SCRN3: variants seen among roughly 807,000 people sequenced by gnomAD.
The protein encoded by SCRN3 is secernin 3.
In SCRN3, 39 loss-of-function variants were observed where a neutral mutation model predicts 43.1. That is an observed-to-expected ratio of 0.91 (90% CI 0.70 to 1.18). The LOEUF is 1.18. Among genes scored for constraint, SCRN3 ranks in the 50% most tolerant of loss-of-function variants. SCRN3 has a pLI of 0.00. For synonymous variants in SCRN3, 147 were observed against 163.1 expected (o/e 0.90, Z 0.75); for missense variants, 484 against 498.0 (o/e 0.97, Z 0.27).
At chr2:174,401,257 T>A in intron 4 of SCRN3, 68 bp downstream of exon 4, 1 of 1,112,228 alleles carries the variant, frequency 9.0e-7, no homozygotes, top group Non-Finnish European at 1.3e-6. Flanking sequence ...CCTATAGATA[T>A]TGCATTTAAT....
At position 174,406,702 on chromosome 2, in the gene SCRN3, C is replaced by A. The variant is rs1462944083; in HGVS notation, c.754+2387C>A. ...GAATTTTGTCAAAGGCTTTTTCTGC[C>A]TCTATTGAGATAATCATGTGGTTTT... On this transcript the variant is annotated intron_variant, in intron 5 of 7. Coordinates refer to ENST00000272732, the MANE Select transcript of SCRN3 (RefSeq NM_024583.5). Among the ~76,000 whole-genome samples, 669 of 126,260 alleles carry A rather than the reference C, an allele frequency of 5.3e-3. 4 individuals carry two copies. The highest frequency in any genetic ancestry group is 0.014 in the African/African-American group (533 of 37,166). The allele number at this position is 126,260 out of a possible 152,430, so 82.8% of individuals were successfully genotyped here. A position where few individuals can be genotyped will look rare whatever the true frequency, so the allele number is the denominator to read the frequency against.
intron 5 of SCRN3, among the ~76,000 whole-genome samples, chr2:174,417,419 A>G (rs1053248226): frequency 2.6e-5 from 4 of 152,194 alleles, no homozygotes; most frequent in African/African-American, 9.6e-5. Flanking sequence ...TTTGAGGCAG[A>G]GTCTTACACT....
At chr2:174,399,209 C>CT (rs970520812) in intron 2 of SCRN3, among the ~76,000 whole-genome samples, 1 of 152,108 alleles carries the variant, frequency 6.6e-6, no homozygotes, top group Non-Finnish European at 1.5e-5. Context: ...AAATATTAGA[C>CT]TTTTTTCTGT....
At chr2:174,419,358 A>G (rs985573270) in intron 5 of SCRN3, among the ~76,000 whole-genome samples, 1 of 152,232 alleles carries the variant, frequency 6.6e-6, no homozygotes, top group African/African-American at 2.4e-5. Flanking sequence ...ATCTAAAAAT[A>G]TCTGTTGGCA....
At chr2:174,401,329 T>C (rs1685503049) in intron 4 of SCRN3, 140 bp downstream of exon 4, 1 of 664,784 alleles carries the variant, frequency 1.5e-6, no homozygotes. Flanking sequence ...ATTTAAAAAT[T>C]TGAAAGAACA....
At chr2:174,396,634 T>C (rs1685321686) in intron 1 of SCRN3, among the ~76,000 whole-genome samples, 1 of 152,026 alleles carries the variant, frequency 6.6e-6, no homozygotes, top group Admixed American at 6.6e-5. Context: ...CCGTCTCTAC[T>C]AAAAACACGA....
At chr2:174,417,100 A>C (rs1686138379) in intron 5 of SCRN3, among the ~76,000 whole-genome samples, 1 of 152,196 alleles carries the variant, frequency 6.6e-6, no homozygotes, top group Non-Finnish European at 1.5e-5. Flanking sequence ...AAAATGCTAA[A>C]GCATGTTATA....
In SCRN3 at chr2:174,404,155, G is replaced by A. The variant is rs1331631071; in HGVS notation, c.594G>A (p.Arg198=). ...TTTCCATAACAACCAAGATTGCCCGGGAACACCCAGACATGAGAAACTATG... is the reference window on the plus strand; with the variant it reads ...TTTCCATAACAACCAAGATTGCCCGAGAACACCCAGACATGAGAAACTATG... ...NQLSITTKIA[R]EHPDMRNYAK... is the part of the protein sequence containing the mutation. Residue 198 remains arginine (R), a synonymous_variant, in exon 5 of 8, where the codon CGG becomes CGA. Transcript: ENST00000272732. 1 of 1,613,628 alleles carries A rather than the reference G, an allele frequency of 6.2e-7. No homozygotes were observed. Among genetic ancestry groups the A allele is most frequent in the Non-Finnish European group, 8.5e-7 (1 of 1,179,832 alleles).
At chr2:174,418,666 A>C (rs1686195397) in intron 5 of SCRN3, among the ~76,000 whole-genome samples, 1 of 152,170 alleles carries the variant, frequency 6.6e-6, no homozygotes, top group African/African-American at 2.4e-5. Flanking sequence ...GTATTATCAC[A>C]GTATTATGGT....
intron 5 of SCRN3, among the ~76,000 whole-genome samples, chr2:174,418,985 A>G (rs944064900): frequency 6.6e-6 from 1 of 152,230 alleles, no homozygotes; most frequent in Non-Finnish European, 1.5e-5. Context: ...ACTTGTATAA[A>G]TCTGTTGTCA....
chr2:174,419,974 G>A (rs529356944), intron 5 of SCRN3, among the ~76,000 whole-genome samples: 45 of 152,186 alleles, frequency 3.0e-4, no homozygotes, highest in African/African-American at 1.1e-3. Context: ...ACCCAAAAGA[G>A]TACACAAAAG....
intron 5 of SCRN3, among the ~76,000 whole-genome samples, chr2:174,412,199 C>T (rs1171056769): frequency 6.6e-6 from 1 of 151,918 alleles, no homozygotes; most frequent in East Asian, 1.9e-4. Flanking sequence ...TTGTTTTTCT[C>T]ATTTCATCCA....
chr2:174,395,741 C>A lies in SCRN3; in HGVS notation c.-86C>A. On this transcript the variant is annotated 5_prime_UTR_variant, in exon 1 of 8. Transcript: ENST00000272732. ...GGGGAACTTCCGAGATCAAAGGTGA[C>A]AGCTTCCGGCAACTGATGCCTCCAC... 1 of 1,599,102 alleles carries A rather than the reference C, an allele frequency of 6.3e-7. No individual in the cohort carries two copies. Among genetic ancestry groups the A allele is most frequent in the South Asian group, 1.1e-5 (1 of 89,414 alleles).
intron 2 of SCRN3, 122 bp from the exon 3 acceptor site, chr2:174,399,800 A>G: frequency 1.7e-6 from 1 of 590,932 alleles, no homozygotes; most frequent in East Asian, 3.5e-5. Flanking sequence ...CAATTTACTT[A>G]TATTTCCTTT....
At chr2:174,419,318 A>G (rs1686213740) in intron 5 of SCRN3, among the ~76,000 whole-genome samples, 1 of 152,236 alleles carries the variant, frequency 6.6e-6, no homozygotes. Flanking sequence ...ACTCATGGAA[A>G]TACAATAATT....
chr2:174,413,586 CTTTTTTTTTTTTTT>C (rs10524979), intron 5 of SCRN3, among the ~76,000 whole-genome samples: 6,104 of 90,352 alleles, frequency 0.068, 480 homozygotes, highest in African/African-American at 0.21. Flanking sequence ...TTTGTCTTTC[CTTTTTTTTTTTTTT>C]TTTTTTTTGA....
intron 5 of SCRN3, among the ~76,000 whole-genome samples, chr2:174,406,741 G>T (rs1056563642): frequency 7.4e-5 from 10 of 135,922 alleles, no homozygotes; most frequent in South Asian, 2.3e-4. Flanking sequence ...CTTTGGCTCT[G>T]TTTATATGCT....
In SCRN3 at chr2:174,401,067, G is replaced by T. The variant is rs1685492214; in HGVS notation, c.419G>T (p.Gly140Val). 1.2e-6 allele frequency: 2 copies of T among 1,613,718 alleles called. No individual in the cohort carries two copies. Among genetic ancestry groups the T allele is most frequent in the African/African-American group, 2.7e-5 (2 of 74,888 alleles). The change falls in exon 4 of 8, where the codon GGT (glycine) becomes GTT (valine). Residue 140 changes from glycine to valine, a missense_variant. Gly to Val is a moderately radical substitution (Grantham distance 109). Transcript: ENST00000272732. ...IVDLLEKYGQ[G>V]GNCTEGRMVF... Reference sequence around the variant, plus strand: ...GACTTACTAGAAAAATATGGCCAGGGTGGAAATTGCACAGAGGGTAGAATG... The same window carrying T: ...GACTTACTAGAAAAATATGGCCAGGTTGGAAATTGCACAGAGGGTAGAATG...
At position 174,422,826 on chromosome 2, in the gene SCRN3, A is replaced by C. The variant is rs1248778429; in HGVS notation, c.755-59A>C. On this transcript the variant is annotated intron_variant, in intron 5 of 7. Coordinates refer to ENST00000272732, the MANE Select transcript of SCRN3 (RefSeq NM_024583.5). The stretch of plus-strand genomic sequence containing the variant: ...ATTATCAGTAGAGAAAGCAGTTCAT[A>C]TTTGCAAGGCATCCGTATATGCATA... 6 of 1,088,584 alleles carry C rather than the reference A, an allele frequency of 5.5e-6. No individual in the cohort carries two copies. In the African/African-American group the frequency reaches 9.4e-5, roughly 17 times the overall value. 67.4% of individuals were successfully genotyped at this position (1,088,584 alleles called of 1,614,324 possible).
Sources: allele counts gnomAD v4.1 joint callset (sites outside exome capture counted in the v4.1 genomes callset), GRCh38; gene constraint gnomAD v4.1.1; transcripts MANE v1.5; gene names NCBI Gene and HGNC (gene_info 2026-07-23, HGNC 2026-07-21).